The following NCALD variants were observed in gnomAD, a reference collection of about 807,000 sequenced individuals.
The protein encoded by NCALD is neurocalcin delta, also known as neurocalcin-delta.
A neutral mutation model predicts 18.6 loss-of-function variants in NCALD; 10 were observed. That is an observed-to-expected ratio of 0.54 (90% CI 0.33 to 0.91). The LOEUF is 0.91. Ranked by LOEUF, NCALD falls within the 40% of genes least tolerant of loss-of-function variation. The pLI is 0.03. For synonymous variants in NCALD, 88 were observed against 87.4 expected (o/e 1.01, Z -0.04); for missense variants, 184 against 247.6 (o/e 0.74, Z 1.72).
intron 3 of NCALD, among the ~76,000 whole-genome samples, chr8:101,887,463 G>C (rs181338912): frequency 1.3e-3 from 201 of 152,258 alleles, no homozygotes; most frequent in African/African-American, 4.5e-3. Context: ...GTAGGAATCA[G>C]CTCTGAGCAT....
rs367583818 is a variant in NCALD, at chr8:102,008,608, G to T, written c.-157+11629C>A. 3.0e-4 allele frequency among the ~76,000 whole-genome samples: 46 copies of T among 151,974 alleles called. No homozygotes were observed. The East Asian group carries it at 7.7e-3, about 26-fold the overall frequency. ...GGAAAGCAACATTCCTAACATCAAGGAAAAGAAGTTGAGGCCAATAGAAAT... is the reference window on the plus strand; with the variant it reads ...GGAAAGCAACATTCCTAACATCAAGTAAAAGAAGTTGAGGCCAATAGAAAT... On this transcript the variant is annotated intron_variant, in intron 2 of 6. Transcript: ENST00000311028.
At chr8:102,071,659 A>G (rs1824181924) in intron 1 of NCALD, among the ~76,000 whole-genome samples, 1 of 152,262 alleles carries the variant, frequency 6.6e-6, no homozygotes, top group South Asian at 2.1e-4. Flanking sequence ...GAGAAACAAA[A>G]TAGAGTTAGT....
intron 1 of NCALD, among the ~76,000 whole-genome samples, chr8:102,054,615 G>T (rs1010111470): frequency 1.3e-5 from 2 of 151,404 alleles, no homozygotes; most frequent in Admixed American, 6.6e-5. Context: ...CCTACAGATC[G>T]CAGACTTGCT....
At chr8:101,690,829 G>A (rs565577289) in intron 3 of NCALD, 4 of 985,306 alleles carry the variant, frequency 4.1e-6, no homozygotes, top group Non-Finnish European at 4.8e-6. Flanking sequence ...AAGGCATGAG[G>A]GAAGGGAGAC....
rs1810582065 is a variant in NCALD at position 101,749,931 on chromosome 8, G to T, written c.-19-30283C>A. 3 of 152,392 alleles carry T rather than the reference G, an allele frequency of 2.0e-5. No homozygotes were observed. The South Asian group carries it at 6.2e-4, about 32-fold the overall frequency. The allele number at this position is 152,392 out of a possible 1,614,324, so 9.4% of individuals were successfully genotyped here. A position where few individuals can be genotyped will look rare whatever the true frequency, so the allele number is the denominator to read the frequency against. On this transcript the variant is annotated intron_variant, in intron 1 of 3. Coordinates refer to ENST00000220931, the MANE Select transcript of NCALD (RefSeq NM_032041.3). ...ATAGCAGCTGGATGGTGGTGTACTTGTCTGTTCTCATGCTGCTAATAAAGA... is the reference window on the plus strand; with the variant it reads ...ATAGCAGCTGGATGGTGGTGTACTTTTCTGTTCTCATGCTGCTAATAAAGA...
intron 1 of NCALD, among the ~76,000 whole-genome samples, chr8:102,102,451 G>A (rs942936593): frequency 2.0e-5 from 3 of 152,198 alleles, no homozygotes; most frequent in African/African-American, 7.2e-5. Flanking sequence ...TGGCACATGC[G>A]TCAGAGCTGG....
At chr8:101,914,628 T>C (rs956745466) in intron 3 of NCALD, among the ~76,000 whole-genome samples, 5 of 152,372 alleles carry the variant, frequency 3.3e-5, no homozygotes, top group East Asian at 1.9e-4. Flanking sequence ...AGTATAGATA[T>C]GTATTTTGTA....
intron 2 of NCALD, among the ~76,000 whole-genome samples, chr8:101,939,487 T>C (rs138598736): frequency 0.013 from 1,979 of 152,352 alleles, 27 homozygotes; most frequent in Middle Eastern, 0.034. Context: ...TTGTTTTTAA[T>C]TAATTCTTTC....
chr8:101,784,351 A>G (rs1483263958), intron 1 of NCALD, among the ~76,000 whole-genome samples: 1 of 152,130 alleles, frequency 6.6e-6, no homozygotes, highest in South Asian at 2.1e-4. Flanking sequence ...GAATAGCAAG[A>G]GAGAAAAAAA....
intron 2 of NCALD, among the ~76,000 whole-genome samples, chr8:102,016,279 C>T (rs1285417711): frequency 6.6e-6 from 1 of 152,160 alleles, no homozygotes; most frequent in African/African-American, 2.4e-5. Context: ...CAAAGGTTGG[C>T]TGCCTTGAAG....
intron 1 of NCALD, among the ~76,000 whole-genome samples, chr8:102,098,427 T>G (rs1033219398): frequency 1.3e-5 from 2 of 152,136 alleles, no homozygotes; most frequent in Non-Finnish European, 2.9e-5. Context: ...AAGGAACTCT[T>G]CCTCCCCGGC....
chr8:102,034,882 T>C (rs1483606632), intron 1 of NCALD, among the ~76,000 whole-genome samples: 4 of 152,198 alleles, frequency 2.6e-5, no homozygotes, highest in Non-Finnish European at 5.9e-5. Context: ...TGCACAGTAG[T>C]GTTCATTGTA....
chr8:101,804,250 C>T (rs1287660928), intron 4 of NCALD, among the ~76,000 whole-genome samples: 1 of 142,430 alleles, frequency 7.0e-6, no homozygotes, highest in African/African-American at 2.6e-5. Flanking sequence ...ATTCCAATAA[C>T]CTATAAAAAT....
intron 2 of NCALD, among the ~76,000 whole-genome samples, chr8:102,003,551 A>G (rs1821566003): frequency 6.6e-6 from 1 of 152,210 alleles, no homozygotes; most frequent in African/African-American, 2.4e-5. Flanking sequence ...TCATCCTGAT[A>G]CCAAAGCCTG....
intron 1 of NCALD, among the ~76,000 whole-genome samples, chr8:102,090,445 G>A (rs1174073866): frequency 6.6e-6 from 1 of 152,112 alleles, no homozygotes; most frequent in Non-Finnish European, 1.5e-5. Context: ...GATAACTTCG[G>A]AGACTGTGAG....
At chr8:101,920,319 A>G (rs1008872812) in intron 2 of NCALD, among the ~76,000 whole-genome samples, 1 of 152,160 alleles carries the variant, frequency 6.6e-6, no homozygotes, top group Non-Finnish European at 1.5e-5. Context: ...AGAATTAAAA[A>G]CTTTAAGAAA....
chr8:101,905,941 GAAGT>G (rs1393732446), intron 3 of NCALD, among the ~76,000 whole-genome samples: 4 of 152,180 alleles, frequency 2.6e-5, no homozygotes, highest in Non-Finnish European at 4.4e-5. Context: ...CTGAATTAGT[GAAGT>G]AAGTCAATTT....
At chr8:101,932,922 CACA>C (rs1818630635) in intron 2 of NCALD, among the ~76,000 whole-genome samples, 1 of 152,200 alleles carries the variant, frequency 6.6e-6, no homozygotes, top group African/African-American at 2.4e-5. Flanking sequence ...TACACACACA[CACA>C]AAATTTAGAA....
intron 3 of NCALD, among the ~76,000 whole-genome samples, chr8:101,910,493 G>A (rs1409135438): frequency 6.6e-6 from 1 of 152,106 alleles, no homozygotes; most frequent in African/African-American, 2.4e-5. Flanking sequence ...TTCCCAGACT[G>A]CCACAGCCAC....
Sources: allele counts gnomAD v4.1 joint callset (sites outside exome capture counted in the v4.1 genomes callset), GRCh38; gene constraint gnomAD v4.1.1; transcripts MANE v1.5; gene names NCBI Gene and HGNC (gene_info 2026-07-23, HGNC 2026-07-21).